FBN3: variants seen among roughly 807,000 people sequenced by gnomAD.
FBN3 encodes fibrillin 3.
In FBN3, 234 loss-of-function variants were observed where a neutral mutation model predicts 330.1. The observed-to-expected ratio is 0.71, with a 90% CI of 0.64 to 0.79. FBN3 has a LOEUF of 0.79. Among genes scored for constraint, FBN3 ranks in the 30% least tolerant of loss-of-function variants. FBN3 has a pLI of 0.00. For synonymous variants in FBN3, 1,458 were observed against 1,517.3 expected (o/e 0.96, Z 0.91); for missense variants, 3,606 against 3,886.9 (o/e 0.93, Z 1.92).
rs771402425 is a variant in FBN3 at position 8,123,527 on chromosome 19, C to T, written c.3019G>A (p.Gly1007Ser). The part of the protein sequence containing the change: ...CTHGTCRNTV[G>S]SFHCACAGGF... ...CCCGCACAGGCGCAGTGGAAGCTGC[C>T]CACCGTGTTTCTGCAGGTACCGTGC... The change falls in exon 24 of 64, where the codon GGC becomes AGC. Residue 1007 changes from glycine (G) to serine (S), a missense_variant. Transcript: ENST00000600128. 2 of 1,614,140 alleles carry T rather than the reference C, an allele frequency of 1.2e-6. No homozygotes were observed. Among genetic ancestry groups the T allele is most frequent in the South Asian group, 1.1e-5 (1 of 91,082 alleles).
At position 8,089,708 on chromosome 19, in the gene FBN3, C is replaced by T. The variant is rs1227557308; in HGVS notation, c.6251-38G>A. 4 of 1,610,446 alleles carry T rather than the reference C, an allele frequency of 2.5e-6. No individual in the cohort carries two copies. The Admixed American group carries it at 6.7e-5, about 27-fold the overall frequency. On this transcript the variant is annotated intron_variant, in intron 50 of 63. Coordinates refer to ENST00000600128, the MANE Select transcript of FBN3 (RefSeq NM_032447.5). The stretch of plus-strand genomic sequence containing the variant: ...GGCGTTGCAGACATGGCTTCTGTCA[C>T]CACACAATCGCCAGAGCCCTGGCCA...
At position 8,111,204 on chromosome 19, in the gene FBN3, G is replaced by C. The variant is rs761971830; in HGVS notation, c.4085-21C>G. The C allele has an allele frequency of 7.6e-6, 12 of 1,572,064 alleles. No individual in the cohort carries two copies. In the South Asian group the frequency reaches 1.4e-4, roughly 19 times the overall value. On this transcript the variant is annotated intron_variant, in intron 32 of 63. Coordinates refer to ENST00000600128, the MANE Select transcript of FBN3 (RefSeq NM_032447.5). Reference sequence around the variant, plus strand: ...CCTGTCTGAGGGGCCCCAAGATTCGGAGGGCTGGAGGCCGGTGGACCAGGA... The same window carrying C: ...CCTGTCTGAGGGGCCCCAAGATTCGCAGGGCTGGAGGCCGGTGGACCAGGA...
chr19:8,112,138 A>G lies in FBN3; in HGVS notation c.3839-39T>C, dbSNP rs775587741. 6.2e-6 allele frequency: 10 copies of G among 1,601,098 alleles called. No individual in the cohort carries two copies. The African/African-American group carries it at 1.2e-4, about 19-fold the overall frequency. On this transcript the variant is annotated intron_variant, in intron 30 of 63. Transcript: ENST00000600128. ...AGGCACGACGCCAAGACCCAGTCAC[A>G]GAAGGAAAGACTCGATGCAATAGCA...
intron 14 of FBN3, 81 bp downstream of exon 14, chr19:8,132,903 G>T: frequency 1.4e-6 from 2 of 1,440,664 alleles, no homozygotes; most frequent in South Asian, 1.4e-5. Context: ...TCCCCGTCCG[G>T]TCCCTCTCCT....
At position 8,089,642 on chromosome 19, in the gene FBN3, G is replaced by A. The variant is rs746981537; in HGVS notation, c.6279C>T (p.Gly2093=). 11 of 1,614,130 alleles carry A rather than the reference G, an allele frequency of 6.8e-6. No individual in the cohort carries two copies. The East Asian group carries it at 1.3e-4, about 20-fold the overall frequency. ...EDVNECAENP[G]VCTNGVCVNT... is the part of the protein sequence containing the mutation. ...TGACACAGACGCCGTTAGTGCAGAC[G>A]CCAGGGTTCTCTGCACACTCATTCA... is the stretch of plus-strand genomic sequence containing the variant. Residue 2093 remains glycine (G), a synonymous_variant, in exon 51 of 64, where the codon GGC becomes GGT. Transcript: ENST00000600128.
chr19:8,135,936 G>GGGGGGGGGGGGGGGCGGCCCCCCCCCCC, intron 13 of FBN3, 25 bp downstream of exon 13: 1 of 668,778 alleles, frequency 1.5e-6, no homozygotes, highest in Non-Finnish European at 2.4e-6. Flanking sequence ...GGAAGCCCCT[G>GGGGGGGGGGGGGGGCGGCCCCCCCCCCC]CCCACCCGCC....
chr19:8,073,214 G>T lies in FBN3; in HGVS notation c.7786C>A (p.Pro2596Thr). 1 of 1,614,078 alleles carries T rather than the reference G, an allele frequency of 6.2e-7. No individual in the cohort carries two copies. The highest frequency in any genetic ancestry group is 1.1e-5 in the South Asian group (1 of 91,078). ...GCCTGATCAAAGTCAAAGCCAGAGGGGCAGACGCAGCGGAAGCCACCAAGA... is the reference window on the plus strand; with the variant it reads ...GCCTGATCAAAGTCAAAGCCAGAGGTGCAGACGCAGCGGAAGCCACCAAGA... ...NTLGGFRCVCPSGFDFDQALG... is the reference protein window; with the variant it reads ...NTLGGFRCVCTSGFDFDQALG... Residue 2596 changes from proline to threonine, a missense_variant, in exon 62 of 64, where the codon CCC becomes ACC. Transcript: ENST00000600128.
chr19:8,100,789 G>C (rs1009707461), intron 41 of FBN3, 112 bp downstream of exon 41: 2 of 778,256 alleles, frequency 2.6e-6, no homozygotes, highest in African/African-American at 1.8e-5. Context: ...GAGGAGGAGG[G>C]GAGGATGGAG....
chr19:8,072,327 G>A (rs1358215543), intron 62 of FBN3, 129 bp from the exon 63 acceptor site: 7 of 991,310 alleles, frequency 7.1e-6, no homozygotes, highest in Non-Finnish European at 1.0e-5. Flanking sequence ...ATGCCTCTGA[G>A]CATGTGCTGG....
Position 8,131,265 on chromosome 19 carries a change from T to C in FBN3, c.2014A>G (p.Ser672Gly), listed in dbSNP as rs1796216134. 3.1e-6 allele frequency: 5 copies of C among 1,611,872 alleles called. No individual in the cohort carries two copies. The highest frequency in any genetic ancestry group is 4.2e-6 in the Non-Finnish European group (5 of 1,179,560). The stretch of plus-strand genomic sequence containing the variant: ...CCATCCGTGGTAATGCCAAGCCCAC[T>C]GCTGCACAGTGCCTGGAACTCAGCT... ...DSAEFQALCSSGLGITTDGRD... is the reference protein window; with the variant it reads ...DSAEFQALCSGGLGITTDGRD... Residue 672 changes from serine (S) to glycine (G), a missense_variant, in exon 16 of 64, where the codon AGT becomes GGT. By Grantham distance (56) the Ser-to-Gly change is moderately conservative. Transcript: ENST00000600128. This position sits in a 1 kb window ranked among gnomAD's most constrained non-coding sequence, Gnocchi z 4.5.
At position 8,109,884 on chromosome 19, in the gene FBN3, T is replaced by C. The variant is rs916126108; in HGVS notation, c.4334-131A>G. ...GGCACCAGATTGTGGGACAATGTCA[T>C]GTCCTTCCCTGGGAAGAAACCTAAG... On this transcript the variant is annotated intron_variant, in intron 34 of 63. Transcript: ENST00000600128. The surrounding 1 kb of genome is among the most constrained non-coding windows in gnomAD (Gnocchi z 5.2). 2.9e-6 allele frequency: 3 copies of C among 1,021,034 alleles called. No homozygotes were observed. Among genetic ancestry groups the C allele is most frequent in the Admixed American group, 2.9e-5 (1 of 34,314 alleles). 63.2% of individuals were successfully genotyped at this position (1,021,034 alleles called of 1,614,324 possible).
Position 8,083,480 on chromosome 19 carries a change from C to A in FBN3, c.7088-108G>T, listed in dbSNP as rs1482566393. The A allele has an allele frequency of 4.3e-6, 6 of 1,386,902 alleles. No individual in the cohort carries two copies. In the African/African-American group the frequency reaches 5.6e-5, roughly 13 times the overall value. The allele number at this position is 1,386,902 out of a possible 1,614,324, so 85.9% of individuals were successfully genotyped here. ...GCCGTCTCCTCGGAGGAAAGTCCAG[C>A]CTCCCTTCCACACCGGCCACTGCAC... On this transcript the variant is annotated intron_variant, in intron 56 of 63. Transcript: ENST00000600128.
chr19:8,081,942 C>CCCTCCCTCCCTCCCTT (rs1568364257), intron 57 of FBN3, among the ~76,000 whole-genome samples: 1 of 133,688 alleles, frequency 7.5e-6, no homozygotes, highest in African/African-American at 2.6e-5. Flanking sequence ...GATCCTCCCT[C>CCCTCCCTCCCTCCCTT]CCTCCCTCCC....
Position 8,073,378 on chromosome 19 carries a change from G to A in FBN3, c.7703-81C>T, listed in dbSNP as rs552703122. The A allele has an allele frequency of 9.5e-6, 11 of 1,162,670 alleles. No individual in the cohort carries two copies. In the East Asian group the frequency reaches 2.5e-4, roughly 26 times the overall value. The allele number at this position is 1,162,670 out of a possible 1,614,324, so 72.0% of individuals were successfully genotyped here. A position where few individuals can be genotyped will look rare whatever the true frequency, so the allele number is the denominator to read the frequency against. ...TCACACCCCCAGAGCCCTCCACCTG[G>A]AATGCTGTATGTTCAGAGCCCAAGT... is the stretch of plus-strand genomic sequence containing the variant. On this transcript the variant is annotated intron_variant, in intron 61 of 63. Transcript: ENST00000600128.
chr19:8,065,876 C>A lies in FBN3; in HGVS notation c.*43G>T. 1 of 1,437,234 alleles carries A rather than the reference C, an allele frequency of 7.0e-7. No homozygotes were observed. Among genetic ancestry groups the A allele is most frequent in the Non-Finnish European group, 9.4e-7 (1 of 1,059,668 alleles). The allele number at this position is 1,437,234 out of a possible 1,614,324, so 89.0% of individuals were successfully genotyped here. ...GATCAGTCCTTCCCAGTTCCAGAATCCCCCTTCTCTGGACAGCTGGGGCCC... is the reference window on the plus strand; with the variant it reads ...GATCAGTCCTTCCCAGTTCCAGAATACCCCTTCTCTGGACAGCTGGGGCCC... On this transcript the variant is annotated 3_prime_UTR_variant, in exon 64 of 64. Coordinates refer to ENST00000600128, the MANE Select transcript of FBN3 (RefSeq NM_032447.5).
chr19:8,071,360 TCAGGAACTC>T (rs2081507336), intron 63 of FBN3, among the ~76,000 whole-genome samples: 2 of 152,134 alleles, frequency 1.3e-5, no homozygotes, highest in African/African-American at 4.8e-5. Context: ...CAAGGCAGGT[TCAGGAACTC>T]CAGGAGCACC....
At chr19:8,089,797 G>T in intron 50 of FBN3, 97 bp downstream of exon 50, 7 of 1,535,692 alleles carry the variant, frequency 4.6e-6, no homozygotes, top group Non-Finnish European at 6.2e-6. Flanking sequence ...GGCCACCCAG[G>T]CTCTCAGGGG....
chr19:8,116,916 C>T lies in FBN3; in HGVS notation c.3587-117G>A, dbSNP rs1315734812. On this transcript the variant is annotated intron_variant, in intron 28 of 63. Coordinates refer to ENST00000600128, the MANE Select transcript of FBN3 (RefSeq NM_032447.5). ...CCAGGTGAGGATAGCGATGGTCACT[C>T]GAGTAGTCTGGGGGCGCTCAAGCAG... The T allele has an allele frequency of 7.5e-6, 10 of 1,330,600 alleles. No individual in the cohort carries two copies. In the East Asian group the frequency reaches 1.7e-4, roughly 22 times the overall value. 82.4% of individuals were successfully genotyped at this position (1,330,600 alleles called of 1,614,324 possible). A position where few individuals can be genotyped will look rare whatever the true frequency, so the allele number is the denominator to read the frequency against.
intron 55 of FBN3, among the ~76,000 whole-genome samples, 159 bp downstream of exon 55, chr19:8,086,041 A>ACAGGGAGTGAAGGGGG (rs2081941689): frequency 9.1e-6 from 1 of 110,102 alleles, no homozygotes; most frequent in African/African-American, 3.7e-5. Context: ...AGTGGGAGGG[A>ACAGGGAGTGAAGGGGG]CAGGCAGTGG....
Sources: allele counts gnomAD v4.1 joint callset (sites outside exome capture counted in the v4.1 genomes callset), GRCh38; gene constraint gnomAD v4.1.1; non-coding constraint Gnocchi (gnomAD v3.1); transcripts MANE v1.5; gene names NCBI Gene and HGNC (gene_info 2026-07-23, HGNC 2026-07-21).